Variants in TMEM178B observed in about 807,000 individuals in gnomAD.
TMEM178B encodes the protein transmembrane protein 178B.
Under a neutral mutation model 31.0 loss-of-function variants are expected in TMEM178B, and 5 were observed. The observed-to-expected ratio is 0.16, with a 90% CI of 0.08 to 0.34. The LOEUF (loss-of-function observed/expected upper bound fraction) is 0.34. Ranked by LOEUF, TMEM178B falls within the 10% of genes least tolerant of loss-of-function variation. The probability of loss-of-function intolerance (pLI) is 1.00; values close to 1 mark genes in which losing one functional copy is unlikely to be tolerated. For synonymous variants in TMEM178B, 164 were observed against 164.0 expected, an observed-to-expected ratio of 1.00 and a Z score of 0.00; for missense variants, 275 against 400.3, an observed-to-expected ratio of 0.69 and a Z score of 2.67.
chr7:141,082,313 CTCTT>C (rs1357717232), intron 1 of TMEM178B, among the ~76,000 whole-genome samples: 1 of 152,182 alleles, frequency 6.6e-6, no homozygotes, highest in Non-Finnish European at 1.5e-5. Flanking sequence ...CCTCCACAGG[CTCTT>C]TCTTTCTGCA....
At chr7:141,334,458 G>A (rs1799350072) in intron 2 of TMEM178B, among the ~76,000 whole-genome samples, 1 of 152,194 alleles carries the variant, frequency 6.6e-6, no homozygotes, top group African/African-American at 2.4e-5. Context: ...GGCTGTTGTG[G>A]CCAGTTCCTA....
At chr7:141,188,129 A>G (rs1796641117) in intron 1 of TMEM178B, among the ~76,000 whole-genome samples, 1 of 152,216 alleles carries the variant, frequency 6.6e-6, no homozygotes, top group South Asian at 2.1e-4. Context: ...ATAAGGTGTA[A>G]GCAAGGGATG....
At chr7:141,382,303 T>C (rs1303229114) in intron 2 of TMEM178B, among the ~76,000 whole-genome samples, 1 of 152,200 alleles carries the variant, frequency 6.6e-6, no homozygotes. Context: ...CTCCACCTCT[T>C]GTGTGCCAGG....
rs188468479 is a variant in TMEM178B, at chr7:141,317,966, C to T, written c.496+105262C>T. Among the ~76,000 whole-genome samples, 9 of 152,222 alleles carry T rather than the reference C, an allele frequency of 5.9e-5. No homozygotes were observed. The East Asian group carries it at 9.6e-4, about 16-fold the overall frequency. On this transcript the variant is annotated intron_variant, in intron 2 of 3. Transcript: ENST00000565468. ...AATGCCAGAAGCATTTGTCTACCACCTAATGTTTATTTTAATTTATTTTAT... is the reference window on the plus strand; with the variant it reads ...AATGCCAGAAGCATTTGTCTACCACTTAATGTTTATTTTAATTTATTTTAT...
At chr7:141,303,533 C>T (rs914502111) in intron 2 of TMEM178B, among the ~76,000 whole-genome samples, 1 of 152,230 alleles carries the variant, frequency 6.6e-6, no homozygotes, top group Non-Finnish European at 1.5e-5. Flanking sequence ...GCTGCGTGCT[C>T]ATGAGAGGAG....
At position 141,074,441 on chromosome 7, in the gene TMEM178B, A is replaced by C. The variant is rs1361905437; in HGVS notation, c.131A>C (p.Lys44Thr). The part of the protein sequence containing the change: ...TDARKHRDRC[K>T]AFNTRRVDPG... ...GCCAGGAAGCACAGGGACAGGTGCA[A>C]GGCCTTCAACACCCGCCGGGTCGAC... The change falls in exon 1 of 4, where the codon AAG (lysine) becomes ACG (threonine). Residue 44 changes from lysine (K) to threonine (T), a missense_variant. Coordinates refer to ENST00000565468, the MANE Select transcript of TMEM178B (RefSeq NM_001195278.2). The surrounding 1 kb of genome is among the most constrained non-coding windows in gnomAD (Gnocchi z 5.1). The C allele has an allele frequency of 3.3e-6, 5 of 1,535,984 alleles. No individual in the cohort carries two copies. Among genetic ancestry groups the C allele is most frequent in the Non-Finnish European group, 4.4e-6 (5 of 1,146,866 alleles).
intron 2 of TMEM178B, among the ~76,000 whole-genome samples, chr7:141,355,368 G>C (rs957942823): frequency 6.6e-6 from 1 of 152,154 alleles, no homozygotes; most frequent in Non-Finnish European, 1.5e-5. Context: ...CCTTAGAGAA[G>C]CATTGGGACC....
At chr7:141,224,496 T>C (rs1251004567) in intron 2 of TMEM178B, among the ~76,000 whole-genome samples, 1 of 152,192 alleles carries the variant, frequency 6.6e-6, no homozygotes, top group Non-Finnish European at 1.5e-5. Flanking sequence ...TTCCTTGAGT[T>C]CCCAGATTCT....
At chr7:141,210,515 T>A (rs1292812596) in intron 1 of TMEM178B, among the ~76,000 whole-genome samples, 1 of 152,128 alleles carries the variant, frequency 6.6e-6, no homozygotes, top group Non-Finnish European at 1.5e-5. Flanking sequence ...AATGCCTACT[T>A]AATGTGGCTG....
chr7:141,375,990 G>A (rs556421895), intron 2 of TMEM178B, among the ~76,000 whole-genome samples: 1 of 152,344 alleles, frequency 6.6e-6, no homozygotes, highest in Non-Finnish European at 1.5e-5. Flanking sequence ...ATGACCCTAA[G>A]TTGTGCCAGT....
chr7:141,224,785 G>A (rs1156464454), intron 2 of TMEM178B, among the ~76,000 whole-genome samples: 1 of 152,210 alleles, frequency 6.6e-6, no homozygotes, highest in African/African-American at 2.4e-5. Flanking sequence ...AGGCTGGGAT[G>A]TGGGTGCGAT....
At position 141,225,265 on chromosome 7, in the gene TMEM178B, T is replaced by A. The variant is rs539049897; in HGVS notation, c.496+12561T>A. Among the ~76,000 whole-genome samples the A allele has an allele frequency of 7.2e-4, 110 of 152,292 alleles. 5 individuals are homozygous for A. The South Asian group carries it at 0.022, about 31-fold the overall frequency. ...CTTCTCTTCTCCCAAAGGACCTCCC[T>A]GCTCCATCCTTCACCCCTCCCCCAC... On this transcript the variant is annotated intron_variant, in intron 2 of 3. Coordinates refer to ENST00000565468, the MANE Select transcript of TMEM178B (RefSeq NM_001195278.2).
At chr7:141,484,598 G>T (rs1802526813), downstream of TMEM178B, among the ~76,000 whole-genome samples, 1 of 152,200 alleles carries the variant, frequency 6.6e-6, no homozygotes, top group Non-Finnish European at 1.5e-5. This position sits in a 1 kb window ranked among gnomAD's most constrained non-coding sequence, Gnocchi z 4.8. Context: ...GCCTTGCTCT[G>T]TCACCCAGGC....
intron 2 of TMEM178B, among the ~76,000 whole-genome samples, chr7:141,389,821 G>A (rs1461219819): frequency 6.6e-6 from 1 of 152,208 alleles, no homozygotes. Flanking sequence ...GACTTGGGGG[G>A]AAAAGGCTGT....
At chr7:141,110,204 A>G (rs1365579991) in intron 1 of TMEM178B, among the ~76,000 whole-genome samples, 2 of 152,232 alleles carry the variant, frequency 1.3e-5, no homozygotes, top group Non-Finnish European at 2.9e-5. Context: ...AGTTGTATGA[A>G]AGTCTATTAT....
chr7:141,170,724 T>G (rs1796334934), intron 1 of TMEM178B, among the ~76,000 whole-genome samples: 1 of 152,162 alleles, frequency 6.6e-6, no homozygotes. Flanking sequence ...GTTGAGACTG[T>G]GGGGCGGGGA....
chr7:141,156,630 CG>C (rs1796075168), intron 1 of TMEM178B, among the ~76,000 whole-genome samples: 1 of 152,196 alleles, frequency 6.6e-6, no homozygotes, highest in South Asian at 2.1e-4. Context: ...CTTGTTTAGA[CG>C]GATCAACTCT....
intron 2 of TMEM178B, chr7:141,352,289 C>T (rs1799744277): frequency 6.6e-6 from 1 of 152,240 alleles, no homozygotes; most frequent in Non-Finnish European, 1.5e-5. Flanking sequence ...AAGGAGGGAG[C>T]TACAGACAGA....
chr7:141,440,688 T>C (rs1801641832), intron 3 of TMEM178B, among the ~76,000 whole-genome samples: 1 of 152,150 alleles, frequency 6.6e-6, no homozygotes, highest in South Asian at 2.1e-4. Context: ...ATCTATTTTT[T>C]AAGTGGCAAA....
Sources: allele counts gnomAD v4.1 joint callset (sites outside exome capture counted in the v4.1 genomes callset), GRCh38; gene constraint gnomAD v4.1.1; non-coding constraint Gnocchi (gnomAD v3.1); transcripts MANE v1.5; gene names NCBI Gene and HGNC (gene_info 2026-07-23, HGNC 2026-07-21).